Variants in COL25A1 observed in about 807,000 individuals in gnomAD.
COL25A1 encodes collagen type XXV alpha 1 chain, also known as collagen alpha-1(XXV) chain.
COL25A1 carries 103 observed loss-of-function variants against 128.4 expected under a neutral mutation model. The observed-to-expected ratio is 0.80, with a 90% CI of 0.68 to 0.94. The LOEUF (loss-of-function observed/expected upper bound fraction) is 0.94. Among genes scored for constraint, COL25A1 ranks in the 40% least tolerant of loss-of-function variants. The pLI, the probability that COL25A1 is intolerant of heterozygous loss-of-function variation, is 0.00. For missense variants in COL25A1, 745 were observed against 840.0 expected (o/e 0.89, Z 1.40); for synonymous variants, 279 against 277.2 (o/e 1.01, Z -0.06).
At chr4:108,947,513 C>A (rs887024988) in intron 8 of COL25A1, among the ~76,000 whole-genome samples, 1 of 151,718 alleles carries the variant, frequency 6.6e-6, no homozygotes, top group African/African-American at 2.4e-5. Context: ...ATAGAGATAT[C>A]TGAAGTCACC....
At position 109,176,215 on chromosome 4, in the gene COL25A1, C is replaced by A. The variant is rs190145448; in HGVS notation, c.367+124368G>T. Among the ~76,000 whole-genome samples, 677 of 152,248 alleles carry A rather than the reference C, an allele frequency of 4.4e-3. 6 individuals are homozygous for A. The highest frequency in any genetic ancestry group is 0.017 in the Middle Eastern group (5 of 294). ...GACCATCCTGGCCAACATGGTGAAA[C>A]CCTGTCTCTACTAAAATACAAAAAA... On this transcript the variant is annotated intron_variant, in intron 3 of 37. Transcript: ENST00000399132.
chr4:108,920,842 TA>T (rs1745417932), intron 11 of COL25A1, among the ~76,000 whole-genome samples: 1 of 152,212 alleles, frequency 6.6e-6, no homozygotes, highest in African/African-American at 2.4e-5. Context: ...TCCTCTCTAT[TA>T]AAAAATAATC....
At position 109,199,632 on chromosome 4, in the gene COL25A1, G is replaced by C. The variant is rs189136801; in HGVS notation, c.367+100951C>G. ...TACATGAATATAGTAATCCAAATAA[G>C]TATATATTTATAGTTGCCATCAGAG... On this transcript the variant is annotated intron_variant, in intron 3 of 37. Transcript: ENST00000399132. Among the ~76,000 whole-genome samples, 165 of 152,068 alleles carry C rather than the reference G, an allele frequency of 1.1e-3. 2 individuals carry two copies. Among genetic ancestry groups the C allele is most frequent in the Middle Eastern group, 3.4e-3 (1 of 292 alleles).
At chr4:108,905,525 AT>A (rs1326202461) in intron 13 of COL25A1, among the ~76,000 whole-genome samples, 161 of 150,054 alleles carry the variant, frequency 1.1e-3, no homozygotes, top group African/African-American at 3.6e-3. Context: ...TAATAAAAAA[AT>A]AAAAATAAAA....
chr4:109,284,503 A>G (rs1169608609), intron 3 of COL25A1, among the ~76,000 whole-genome samples: 2 of 152,230 alleles, frequency 1.3e-5, no homozygotes, highest in Non-Finnish European at 2.9e-5. Flanking sequence ...CACGGAAGAC[A>G]ATTAAGTAAA....
chr4:109,261,433 C>T (rs973592493), intron 3 of COL25A1, among the ~76,000 whole-genome samples: 1 of 152,144 alleles, frequency 6.6e-6, no homozygotes, highest in African/African-American at 2.4e-5. Flanking sequence ...ACAAGAATCG[C>T]TTGAACCTGG....
At chr4:108,965,780 G>A (rs1751225024) in intron 8 of COL25A1, among the ~76,000 whole-genome samples, 1 of 152,194 alleles carries the variant, frequency 6.6e-6, no homozygotes, top group African/African-American at 2.4e-5. Context: ...GACTTTTACA[G>A]TTGACACTGA....
At chr4:108,889,759 T>G in intron 16 of COL25A1, 26 bp from the exon 17 acceptor site, 4 of 1,608,522 alleles carry the variant, frequency 2.5e-6, no homozygotes, top group Non-Finnish European at 3.4e-6. Flanking sequence ...GGAGAGATTA[T>G]CTCACAAGTT....
chr4:109,287,075 A>G (rs1723962601), intron 3 of COL25A1, among the ~76,000 whole-genome samples: 1 of 152,190 alleles, frequency 6.6e-6, no homozygotes, highest in Non-Finnish European at 1.5e-5. Flanking sequence ...TCCAAATACC[A>G]ATTTCTCTGA....
intron 3 of COL25A1, among the ~76,000 whole-genome samples, chr4:109,121,351 T>G (rs905854737): frequency 1.3e-5 from 2 of 152,056 alleles, no homozygotes; most frequent in African/African-American, 2.4e-5. Flanking sequence ...GAAGACAGAC[T>G]GGGAGAAAAT....
At chr4:108,899,116 G>A in intron 15 of COL25A1, 38 bp downstream of exon 15, 1 of 1,597,884 alleles carries the variant, frequency 6.3e-7, no homozygotes, top group Non-Finnish European at 8.6e-7. Flanking sequence ...TGGTGGTGGG[G>A]AGTAGGGAGA....
chr4:108,831,687 GGAGAGA>G lies in COL25A1; in HGVS notation c.1710+687_1710+692del, dbSNP rs3062875. Among the ~76,000 whole-genome samples the G allele has an allele frequency of 1.6e-3, 235 of 144,062 alleles. 1 individual carries two copies. In the East Asian group the frequency reaches 0.02, roughly 12 times the overall value. The allele number at this position is 144,062 out of a possible 152,430, so 94.5% of individuals were successfully genotyped here. Reference sequence around the variant, plus strand: ...GAGAAAAACAGAAAGAGAGAGAGGGGGAGAGAGAGAGAGAGAGAGAGAGAGAGAGCG... The same window carrying G: ...GAGAAAAACAGAAAGAGAGAGAGGGGGAGAGAGAGAGAGAGAGAGAGAGCG... On this transcript the variant is annotated intron_variant, in intron 32 of 37. Transcript: ENST00000399132.
chr4:109,168,358 T>A (rs994740702), intron 3 of COL25A1, among the ~76,000 whole-genome samples: 4 of 152,186 alleles, frequency 2.6e-5, no homozygotes, highest in Non-Finnish European at 5.9e-5. Context: ...CAAAAGCAAC[T>A]ACCAGCAACA....
intron 3 of COL25A1, among the ~76,000 whole-genome samples, chr4:109,276,016 G>A (rs1282262463): frequency 2.0e-5 from 3 of 152,100 alleles, no homozygotes; most frequent in African/African-American, 7.2e-5. Flanking sequence ...AGACTTCCCT[G>A]CTCACTCTTC....
At chr4:108,960,086 A>C (rs951539234) in intron 8 of COL25A1, among the ~76,000 whole-genome samples, 40 of 152,128 alleles carry the variant, frequency 2.6e-4, no homozygotes, top group Admixed American at 3.9e-4. Flanking sequence ...AGAGTTTCCT[A>C]ATATAGAAGA....
At chr4:109,120,669 T>G (rs1768025974) in intron 3 of COL25A1, among the ~76,000 whole-genome samples, 1 of 151,946 alleles carries the variant, frequency 6.6e-6, no homozygotes, top group Admixed American at 6.6e-5. Flanking sequence ...ATTAGCTTGG[T>G]GTGGTGGCAT....
At chr4:109,221,521 A>C (rs1316224056) in intron 3 of COL25A1, among the ~76,000 whole-genome samples, 1 of 152,216 alleles carries the variant, frequency 6.6e-6, no homozygotes, top group African/African-American at 2.4e-5. Context: ...AAAATATATA[A>C]GTACTTCATT....
rs1560729153 is a variant in COL25A1, at chr4:109,122,819, GA to G, written c.368-72641del. Among the ~76,000 whole-genome samples, 4 of 152,104 alleles carry G rather than the reference GA, an allele frequency of 2.6e-5. No homozygotes were observed. In the South Asian group the frequency reaches 8.3e-4, roughly 32 times the overall value. ...AGCAATAACTTTCCAGGAAAATATGGAACCATGAACATAGAGAAATATACTT... is the reference window on the plus strand; with the variant it reads ...AGCAATAACTTTCCAGGAAAATATGGACCATGAACATAGAGAAATATACTT... On this transcript the variant is annotated intron_variant, in intron 3 of 37. Transcript: ENST00000399132.
At chr4:108,927,183 C>T (rs1236881715) in intron 11 of COL25A1, among the ~76,000 whole-genome samples, 4 of 152,158 alleles carry the variant, frequency 2.6e-5, no homozygotes, top group Admixed American at 1.3e-4. Flanking sequence ...TAACTCACTT[C>T]CTTTGTGAGC....
Sources: allele counts gnomAD v4.1 joint callset (sites outside exome capture counted in the v4.1 genomes callset), GRCh38; gene constraint gnomAD v4.1.1; transcripts MANE v1.5; gene names NCBI Gene and HGNC (gene_info 2026-07-23, HGNC 2026-07-21).